DLG2: variants seen among roughly 807,000 people sequenced by gnomAD.
DLG2 encodes the protein discs large MAGUK scaffold protein 2.
A neutral mutation model predicts 132.5 loss-of-function variants in DLG2; 45 were observed. That is an observed-to-expected ratio of 0.34 (90% CI 0.27 to 0.44). The LOEUF (loss-of-function observed/expected upper bound fraction) is 0.44. Ranked by LOEUF, DLG2 falls within the 20% of genes least tolerant of loss-of-function variation. DLG2 has a pLI of 1.00. For missense variants in DLG2, 1,045 were observed against 1,196.9 expected (o/e 0.87, Z 1.87); for synonymous variants, 424 against 419.6 (o/e 1.01, Z -0.13).
intron 6 of DLG2, among the ~76,000 whole-genome samples, chr11:85,069,563 C>T (rs1360040728): frequency 1.3e-5 from 2 of 152,154 alleles, no homozygotes; most frequent in African/African-American, 2.4e-5. Context: ...TGCTCATCAT[C>T]ACTGGCCATC....
At chr11:85,207,227 T>C (rs1049531856) in intron 4 of DLG2, among the ~76,000 whole-genome samples, 1 of 152,188 alleles carries the variant, frequency 6.6e-6, no homozygotes, top group Non-Finnish European at 1.5e-5. Flanking sequence ...CCTTCTCAGA[T>C]GTCTTCTTAG....
At chr11:85,209,445 C>CTTT (rs1164394816) in intron 4 of DLG2, among the ~76,000 whole-genome samples, 1,290 of 74,320 alleles carry the variant, frequency 0.017, 257 homozygotes, top group Admixed American at 0.037. Context: ...AGAAATCAGT[C>CTTT]TTTTTTTTTT....
intron 19 of DLG2, among the ~76,000 whole-genome samples, chr11:83,619,252 CT>C (rs2061302655): frequency 6.6e-6 from 1 of 152,184 alleles, no homozygotes; most frequent in African/African-American, 2.4e-5. Flanking sequence ...CTTTAACGTC[CT>C]CATTTATTAC....
chr11:85,473,117 G>C (rs992385541), intron 3 of DLG2, among the ~76,000 whole-genome samples: 2 of 152,236 alleles, frequency 1.3e-5, no homozygotes, highest in African/African-American at 4.8e-5. Flanking sequence ...CTCACACAGA[G>C]CTGGCACCTG....
chr11:84,608,905 T>G (rs1296438013), intron 6 of DLG2, among the ~76,000 whole-genome samples: 1 of 152,228 alleles, frequency 6.6e-6, no homozygotes, highest in Non-Finnish European at 1.5e-5. Context: ...TCTGCTCCAC[T>G]TTTTAAATAA....
At chr11:83,988,818 T>C (rs186077315) in intron 11 of DLG2, among the ~76,000 whole-genome samples, 4 of 152,262 alleles carry the variant, frequency 2.6e-5, no homozygotes, top group African/African-American at 9.6e-5. Flanking sequence ...CCTGACTATA[T>C]ATATTTTTTT....
At chr11:85,545,350 G>A (rs1305002366) in intron 3 of DLG2, among the ~76,000 whole-genome samples, 2 of 152,128 alleles carry the variant, frequency 1.3e-5, no homozygotes, top group Non-Finnish European at 2.9e-5. Context: ...ACTTGATCGT[G>A]GTGGATAAGC....
intron 8 of DLG2, among the ~76,000 whole-genome samples, chr11:84,185,580 T>C (rs992834358): frequency 2.0e-5 from 3 of 152,152 alleles, no homozygotes; most frequent in African/African-American, 7.2e-5. Flanking sequence ...TCCTGCCTGA[T>C]TGCCCTGGCC....
chr11:83,550,208 T>C (rs574639154), intron 19 of DLG2, among the ~76,000 whole-genome samples: 15 of 152,308 alleles, frequency 9.8e-5, no homozygotes, highest in Non-Finnish European at 1.6e-4. Flanking sequence ...TAGAACTAAT[T>C]GGACACCAAC....
chr11:84,889,291 A>G (rs758964000), intron 6 of DLG2, among the ~76,000 whole-genome samples: 62 of 152,158 alleles, frequency 4.1e-4, no homozygotes, highest in Non-Finnish European at 8.2e-4. Flanking sequence ...AATAAACAGT[A>G]TAAGAATGCA....
rs2093004312 is a variant in DLG2, at chr11:84,927,100, G to T, written c.357+184561C>A. On this transcript the variant is annotated intron_variant, in intron 6 of 27. Coordinates refer to ENST00000376104, the MANE Select transcript of DLG2 (RefSeq NM_001142699.3). ...TATTTGGCTTGTATTTTTAACAGTG[G>T]GCATGTAATACTTTAAAAAACATAA... Among the ~76,000 whole-genome samples the T allele has an allele frequency of 1.3e-5, 2 of 151,564 alleles. 1 individual carries two copies. Among genetic ancestry groups the T allele is most frequent in the South Asian group, 4.2e-4 (2 of 4,800 alleles).
intron 6 of DLG2, among the ~76,000 whole-genome samples, chr11:84,551,074 T>A (rs1366667973): frequency 1.3e-5 from 2 of 152,132 alleles, no homozygotes; most frequent in Non-Finnish European, 2.9e-5. Flanking sequence ...AATGAGCTGG[T>A]GTCAATGGCA....
At chr11:85,359,090 A>G (rs1053294898) in intron 3 of DLG2, among the ~76,000 whole-genome samples, 1 of 152,188 alleles carries the variant, frequency 6.6e-6, no homozygotes, top group Non-Finnish European at 1.5e-5. Flanking sequence ...TCTTCCCTAG[A>G]CTATGCAAAG....
At chr11:83,856,523 T>C (rs1470923885) in intron 16 of DLG2, among the ~76,000 whole-genome samples, 1 of 152,314 alleles carries the variant, frequency 6.6e-6, no homozygotes, top group Non-Finnish European at 1.5e-5. Context: ...ATAATAGCCA[T>C]TCTGACTGGC....
intron 6 of DLG2, among the ~76,000 whole-genome samples, chr11:84,656,012 A>G (rs1163882309): frequency 6.6e-6 from 1 of 152,160 alleles, no homozygotes; most frequent in African/African-American, 2.4e-5. Flanking sequence ...AGTAACAGAG[A>G]CAAAGAAAAG....
At chr11:83,515,540 C>T (rs181144499) in intron 21 of DLG2, among the ~76,000 whole-genome samples, 2 of 152,218 alleles carry the variant, frequency 1.3e-5, no homozygotes, top group Admixed American at 6.5e-5. Flanking sequence ...CTGCTCTGAT[C>T]TTAGTTATTT....
chr11:84,452,210 G>A (rs1488419429), intron 7 of DLG2, among the ~76,000 whole-genome samples: 2 of 151,582 alleles, frequency 1.3e-5, no homozygotes, highest in African/African-American at 4.8e-5. Context: ...ATGAAGACTA[G>A]GGCTACCATT....
At chr11:83,918,903 C>CCCA (rs2077381964) in intron 15 of DLG2, among the ~76,000 whole-genome samples, 3 of 152,232 alleles carry the variant, frequency 2.0e-5, no homozygotes, top group Admixed American at 6.5e-5. Context: ...CCAGACACTG[C>CCCA]CCAGTTCTTA....
intron 6 of DLG2, among the ~76,000 whole-genome samples, chr11:84,644,623 A>G (rs1340165583): frequency 6.6e-6 from 1 of 151,462 alleles, no homozygotes; most frequent in Non-Finnish European, 1.5e-5. Flanking sequence ...GGAGAATGGC[A>G]TGAACTCTGG....
Sources: gnomAD v4.1 joint callset for allele counts (sites outside exome capture counted in the v4.1 genomes callset) on GRCh38, gnomAD v4.1.1 for gene constraint, MANE v1.5 for transcripts, NCBI Gene and HGNC (gene_info 2026-07-23, HGNC 2026-07-21) for gene names.